ZPBP: variants seen among roughly 807,000 people sequenced by gnomAD.
ZPBP encodes the protein zona pellucida-binding protein 1.
Under a neutral mutation model 44.8 loss-of-function variants are expected in ZPBP, and 26 were observed. That is an observed-to-expected ratio of 0.58 (90% CI 0.43 to 0.81). The LOEUF (loss-of-function observed/expected upper bound fraction) is 0.81, where lower values mean the gene tolerates loss of function less well. Ranked by LOEUF, ZPBP falls within the 30% of genes least tolerant of loss-of-function variation. ZPBP has a pLI of 0.00. For missense variants in ZPBP, 409 were observed against 434.0 expected, an observed-to-expected ratio of 0.94 and a Z score of 0.51; for synonymous variants, 174 against 153.2, an observed-to-expected ratio of 1.14 and a Z score of -1.00.
At chr7:49,975,497 T>C (rs1796472707) in intron 7 of ZPBP, among the ~76,000 whole-genome samples, 1 of 152,212 alleles carries the variant, frequency 6.6e-6, no homozygotes, top group Non-Finnish European at 1.5e-5. Context: ...TCTCATGTAC[T>C]GGGCTTTCAC....
At chr7:50,014,232 CTTTTTGAGAAAA>C (rs1441799547) in intron 6 of ZPBP, among the ~76,000 whole-genome samples, 6 of 151,964 alleles carry the variant, frequency 3.9e-5, no homozygotes, top group African/African-American at 1.4e-4. Flanking sequence ...CCAAGCAGTC[CTTTTTGAGAAAA>C]TTGACATACA....
At chr7:49,872,915 C>CAA (rs61473396) in intron 2 of ZPBP, among the ~76,000 whole-genome samples, 677 of 33,868 alleles carry the variant, frequency 0.02, 76 homozygotes, top group African/African-American at 0.061. Context: ...GACTTTGTCT[C>CAA]AAAAAAAAAA....
intron 5 of ZPBP, among the ~76,000 whole-genome samples, chr7:50,021,306 G>A (rs1041052675): frequency 1.3e-5 from 2 of 152,000 alleles, no homozygotes; most frequent in African/African-American, 2.4e-5. Context: ...TTCACAAATA[G>A]AGATTATCAA....
At chr7:50,057,411 G>T (rs1263572317) in intron 4 of ZPBP, among the ~76,000 whole-genome samples, 1 of 152,112 alleles carries the variant, frequency 6.6e-6, no homozygotes, top group Non-Finnish European at 1.5e-5. Context: ...AAAACTCTTA[G>T]TCTGTAAGAG....
At chr7:49,992,394 A>G (rs1430129604) in intron 6 of ZPBP, among the ~76,000 whole-genome samples, 1 of 152,172 alleles carries the variant, frequency 6.6e-6, no homozygotes, top group Non-Finnish European at 1.5e-5. Flanking sequence ...GTATCATGAA[A>G]AGAGAGGAAA....
intron 6 of ZPBP, among the ~76,000 whole-genome samples, chr7:50,012,827 A>G (rs1343813135): frequency 4.0e-5 from 6 of 151,518 alleles, no homozygotes; most frequent in Non-Finnish European, 8.8e-5. Context: ...AATGTACAAA[A>G]ATAAAAATAA....
chr7:50,028,475 A>C (rs1584075260), intron 5 of ZPBP, among the ~76,000 whole-genome samples: 1 of 152,198 alleles, frequency 6.6e-6, no homozygotes, highest in East Asian at 1.9e-4. Flanking sequence ...TGGAAGCCCA[A>C]GCAAGAGCAA....
At chr7:49,903,879 T>G (rs1792925970) in intron 1 of ZPBP, among the ~76,000 whole-genome samples, 2 of 152,256 alleles carry the variant, frequency 1.3e-5, no homozygotes, top group South Asian at 4.1e-4. Context: ...GAGGAAAGAC[T>G]GGCTGGTGGC....
At chr7:50,005,879 T>G (rs1437354034) in intron 6 of ZPBP, among the ~76,000 whole-genome samples, 1 of 149,222 alleles carries the variant, frequency 6.7e-6, no homozygotes, top group Non-Finnish European at 1.5e-5. Flanking sequence ...TTTGCCTACA[T>G]TAATATCAGG....
chr7:49,981,610 A>C (rs1404129028), intron 7 of ZPBP, among the ~76,000 whole-genome samples: 3 of 5,242 alleles, frequency 5.7e-4, no homozygotes, highest in South Asian at 4.3e-3. Context: ...TAAATTATAT[A>C]ATTATATTAT....
chr7:50,008,816 C>T (rs539846691), intron 6 of ZPBP, among the ~76,000 whole-genome samples: 23 of 152,202 alleles, frequency 1.5e-4, no homozygotes, highest in African/African-American at 5.3e-4. Context: ...GATGTCCACC[C>T]TCACCACTTT....
At chr7:50,087,428 T>C (rs1188981923) in intron 2 of ZPBP, among the ~76,000 whole-genome samples, 5 of 151,990 alleles carry the variant, frequency 3.3e-5, no homozygotes, top group Non-Finnish European at 2.9e-5. Flanking sequence ...ATCGTCGCCA[T>C]ACATGGAGAA....
intron 7 of ZPBP, 132 bp from the exon 8 acceptor site, chr7:49,937,754 A>C: frequency 1.4e-6 from 1 of 736,712 alleles, no homozygotes; most frequent in East Asian, 2.8e-5. Context: ...ACAAATCTGC[A>C]GAACTTTTTC....
chr7:49,946,255 T>C (rs780438698), intron 7 of ZPBP, among the ~76,000 whole-genome samples: 11 of 152,168 alleles, frequency 7.2e-5, no homozygotes, highest in Non-Finnish European at 1.3e-4. Context: ...TACACCACTA[T>C]TGCAGTATTA....
At chr7:49,996,058 T>G (rs1032338264) in intron 6 of ZPBP, among the ~76,000 whole-genome samples, 1 of 152,222 alleles carries the variant, frequency 6.6e-6, no homozygotes, top group Non-Finnish European at 1.5e-5. Context: ...AGGTGATAGA[T>G]ATTGTAAATG....
At chr7:50,015,059 T>C (rs1798759316) in intron 6 of ZPBP, among the ~76,000 whole-genome samples, 1 of 152,118 alleles carries the variant, frequency 6.6e-6, no homozygotes, top group Admixed American at 6.6e-5. Context: ...CTGAATTCTT[T>C]TTACATATGC....
At chr7:50,027,817 T>C (rs1799409576) in intron 5 of ZPBP, among the ~76,000 whole-genome samples, 1 of 151,764 alleles carries the variant, frequency 6.6e-6, no homozygotes, top group African/African-American at 2.4e-5. Context: ...GTAACCTAAA[T>C]GAAATAAATC....
chr7:50,031,143 C>A lies in ZPBP; in HGVS notation c.655G>T (p.Val219Phe), dbSNP rs776265657. The change falls in exon 5 of 8, where the codon GTT becomes TTT. Residue 219 changes from valine to phenylalanine, a missense_variant. Around this residue, in one of 2 missense-constraint regions of ZPBP, gnomAD observed 367 missense variants for 363.1 expected, o/e 1.01. Coordinates refer to ENST00000046087, the MANE Select transcript of ZPBP (RefSeq NM_007009.3). Reference protein sequence around the residue: ...ISLLKSECHRVKMQRAGLQNE... With the variant: ...ISLLKSECHRFKMQRAGLQNE... ...TGCAAACCAGCTCTTTGCATTTTAA[C>A]GCGATGGCATTCAGACTTAAGTAAG... 6.2e-7 allele frequency: 1 copy of A among 1,613,546 alleles called. No individual in the cohort carries two copies. The highest frequency in any genetic ancestry group is 1.3e-5 in the African/African-American group (1 of 74,886).
chr7:49,981,578 A>G (rs1583972645), intron 7 of ZPBP, among the ~76,000 whole-genome samples: 1 of 24,918 alleles, frequency 4.0e-5, no homozygotes, highest in African/African-American at 7.9e-5. Flanking sequence ...TAATTATATA[A>G]ATTATATATT....
Sources: gnomAD v4.1 joint callset for allele counts (sites outside exome capture counted in the v4.1 genomes callset) on GRCh38, gnomAD v4.1.1 for gene constraint, gnomAD v4.1.1 regional missense constraint, MANE v1.5 for transcripts, NCBI Gene and HGNC (gene_info 2026-07-23, HGNC 2026-07-21) for gene names.